Variants in CMTM8 observed in about 807,000 individuals in gnomAD.
The protein encoded by CMTM8 is CKLF like MARVEL transmembrane domain containing 8, also known as CKLF-like MARVEL transmembrane domain-containing protein 8.
CMTM8 carries 12 observed loss-of-function variants against 18.6 expected under a neutral mutation model. That is an observed-to-expected ratio of 0.65 (90% CI 0.41 to 1.05). The LOEUF is 1.05. Ranked by LOEUF, CMTM8 falls within the 50% of genes least tolerant of loss-of-function variation. CMTM8 has a pLI of 0.00. For synonymous variants in CMTM8, 87 were observed against 90.6 expected (o/e 0.96, Z 0.23); for missense variants, 217 against 227.2 (o/e 0.95, Z 0.29).
chr3:32,249,271 A>G (rs1341871752), intron 1 of CMTM8, among the ~76,000 whole-genome samples: 2 of 151,692 alleles, frequency 1.3e-5, no homozygotes, highest in Non-Finnish European at 2.9e-5. Flanking sequence ...TCTACAAAAA[A>G]TAGAAAAAAT....
chr3:32,282,630 G>A (rs1559369200), intron 1 of CMTM8, among the ~76,000 whole-genome samples: 1 of 152,096 alleles, frequency 6.6e-6, no homozygotes. Flanking sequence ...ACACCGGTCT[G>A]CTCTCAGCAC....
At chr3:32,261,413 T>C (rs1252120677) in intron 1 of CMTM8, among the ~76,000 whole-genome samples, 1 of 152,144 alleles carries the variant, frequency 6.6e-6, no homozygotes, top group African/African-American at 2.4e-5. Context: ...TATTAAATTA[T>C]AGTAGGAAAA....
At chr3:32,292,152 C>A (rs1391259839) in intron 1 of CMTM8, among the ~76,000 whole-genome samples, 2 of 152,128 alleles carry the variant, frequency 1.3e-5, no homozygotes, top group Non-Finnish European at 1.5e-5. Context: ...TCAGAAGAAT[C>A]CAGGTATTCA....
intron 1 of CMTM8, among the ~76,000 whole-genome samples, chr3:32,247,740 C>T (rs925360416): frequency 3.3e-5 from 5 of 152,200 alleles, no homozygotes; most frequent in African/African-American, 9.6e-5. Context: ...AGATTATAGG[C>T]GTGAGCCACC....
At chr3:32,285,865 A>G (rs1357259401) in intron 1 of CMTM8, among the ~76,000 whole-genome samples, 1 of 152,158 alleles carries the variant, frequency 6.6e-6, no homozygotes, top group Non-Finnish European at 1.5e-5. Flanking sequence ...TGTTTTGTTC[A>G]CTGCTAAATT....
At chr3:32,280,837 G>GAAA (rs1156280305) in intron 1 of CMTM8, among the ~76,000 whole-genome samples, 1 of 32,794 alleles carries the variant, frequency 3.0e-5, no homozygotes, top group Non-Finnish European at 5.4e-5. Context: ...CAACACGAGA[G>GAAA]AAAATAGGCA....
intron 2 of CMTM8, 37 bp from the exon 3 acceptor site, chr3:32,367,835 C>T (rs1378859865): frequency 7.0e-7 from 1 of 1,421,872 alleles, no homozygotes; most frequent in Non-Finnish European, 9.9e-7. Context: ...GCAGACCCTC[C>T]CCTCTCCCTA....
At chr3:32,285,871 A>G (rs1702672422) in intron 1 of CMTM8, among the ~76,000 whole-genome samples, 1 of 152,186 alleles carries the variant, frequency 6.6e-6, no homozygotes, top group Admixed American at 6.5e-5. Context: ...GTTCACTGCT[A>G]AATTCTCTGT....
intron 1 of CMTM8, among the ~76,000 whole-genome samples, chr3:32,324,783 T>C (rs749108654): frequency 6.6e-6 from 1 of 152,130 alleles, no homozygotes; most frequent in Non-Finnish European, 1.5e-5. Flanking sequence ...GTGTATAGAT[T>C]TTTACACATA....
intron 1 of CMTM8, among the ~76,000 whole-genome samples, chr3:32,319,691 T>A (rs1189568892): frequency 6.6e-6 from 1 of 152,220 alleles, no homozygotes; most frequent in Non-Finnish European, 1.5e-5. Flanking sequence ...ATCACTGGCA[T>A]CAGCAGTTCC....
At chr3:32,266,697 A>G (rs1702352188) in intron 1 of CMTM8, among the ~76,000 whole-genome samples, 1 of 152,216 alleles carries the variant, frequency 6.6e-6, no homozygotes, top group Admixed American at 6.5e-5. Context: ...TTGTATATCT[A>G]GAAAACCCCA....
chr3:32,288,431 C>T (rs1277606308), intron 1 of CMTM8, among the ~76,000 whole-genome samples: 5 of 152,120 alleles, frequency 3.3e-5, no homozygotes, highest in Non-Finnish European at 1.5e-5. Context: ...CAGGCACCCA[C>T]CACACCCAGC....
intron 1 of CMTM8, among the ~76,000 whole-genome samples, chr3:32,239,973 A>T (rs1701925596): frequency 6.6e-6 from 1 of 152,238 alleles, no homozygotes; most frequent in African/African-American, 2.4e-5. Flanking sequence ...CATGGATTCA[A>T]ACCCAGGCCT....
At chr3:32,242,103 A>G (rs1453054763) in intron 1 of CMTM8, among the ~76,000 whole-genome samples, 1 of 152,118 alleles carries the variant, frequency 6.6e-6, no homozygotes, top group Non-Finnish European at 1.5e-5. Context: ...TCTGCTTCCC[A>G]TGTCCAGTGT....
chr3:32,333,210 C>T (rs1696314053), intron 1 of CMTM8, among the ~76,000 whole-genome samples: 1 of 152,152 alleles, frequency 6.6e-6, no homozygotes, highest in Admixed American at 6.5e-5. Flanking sequence ...ATTTGAATGT[C>T]ATGTAATTTT....
At chr3:32,286,051 C>T (rs1702675811) in intron 1 of CMTM8, among the ~76,000 whole-genome samples, 1 of 152,148 alleles carries the variant, frequency 6.6e-6, no homozygotes, top group South Asian at 2.1e-4. Context: ...AAGCTCAGGG[C>T]CTTCTGCAAG....
intron 1 of CMTM8, among the ~76,000 whole-genome samples, chr3:32,250,844 C>T (rs549208680): frequency 7.9e-5 from 12 of 152,030 alleles, no homozygotes; most frequent in African/African-American, 2.7e-4. Context: ...CCACCTGTCT[C>T]GGCCTCCCAA....
intron 1 of CMTM8, among the ~76,000 whole-genome samples, chr3:32,343,728 CCAA>C (rs55965626): frequency 0.14 from 21,686 of 152,048 alleles, 1,865 homozygotes; most frequent in East Asian, 0.27. Flanking sequence ...CGGAATCTCA[CCAA>C]TCTTGTCACC....
intron 1 of CMTM8, among the ~76,000 whole-genome samples, chr3:32,343,109 T>C (rs1164515480): frequency 1.3e-5 from 2 of 152,156 alleles, no homozygotes; most frequent in African/African-American, 2.4e-5. Flanking sequence ...ATGAAGACTA[T>C]GGGATAAATA....
Sources: allele counts gnomAD v4.1 joint callset (sites outside exome capture counted in the v4.1 genomes callset), GRCh38; gene constraint gnomAD v4.1.1; transcripts MANE v1.5; gene names NCBI Gene and HGNC (gene_info 2026-07-23, HGNC 2026-07-21).